WNT5B: variants seen among roughly 807,000 people sequenced by gnomAD.
WNT5B encodes the protein Wnt family member 5B, also known as protein Wnt-5b.
WNT5B carries 18 observed loss-of-function variants against 36.5 expected under a neutral mutation model. The observed-to-expected ratio is 0.49, with a 90% CI of 0.34 to 0.73. The LOEUF (loss-of-function observed/expected upper bound fraction) is 0.73, where lower values mean the gene tolerates loss of function less well. Among genes scored for constraint, WNT5B ranks in the 30% least tolerant of loss-of-function variants. WNT5B has a pLI of 0.01. For synonymous variants in WNT5B, 213 were observed against 212.3 expected (o/e 1.00, Z -0.03); for missense variants, 424 against 508.4 (o/e 0.83, Z 1.60).
At position 1,646,083 on chromosome 12, in the gene WNT5B, G is replaced by A; in HGVS notation, c.911G>A (p.Cys304Tyr). The change falls in exon 5 of 5, where the codon TGC becomes TAC. Residue 304 changes from cysteine (C) to tyrosine (Y), a missense_variant. Physicochemically the swap from Cys to Tyr is radical, Grantham distance 194. Transcript: ENST00000397196. Reference sequence around the variant, plus strand: ...TCCCTGGGCACGCAGGGCCGCCTCTGCAACAAGACCTCGGAGGGCATGGAT... The same window carrying A: ...TCCCTGGGCACGCAGGGCCGCCTCTACAACAAGACCTCGGAGGGCATGGAT... ...TGSLGTQGRL[C>Y]NKTSEGMDGC... is the part of the protein sequence containing the mutation. 1.2e-6 allele frequency: 2 copies of A among 1,613,928 alleles called. No individual in the cohort carries two copies. The highest frequency in any genetic ancestry group is 1.7e-6 in the Non-Finnish European group (2 of 1,180,044).
In WNT5B at chr12:1,630,157, G is replaced by A; in HGVS notation, c.-58+786G>A. ...CCCGAAGCACCCGCCGCCCCCTCCC[G>A]GGGAGCCTGGGGACGCCGACGCGCG... On this transcript the variant is annotated intron_variant, in intron 1 of 4. Coordinates refer to ENST00000397196, the MANE Select transcript of WNT5B (RefSeq NM_032642.3). The surrounding 1 kb of genome is among the most constrained non-coding windows in gnomAD (Gnocchi z 5.3). The A allele has an allele frequency of 1.0e-6, 1 of 985,440 alleles. No homozygotes were observed. Among genetic ancestry groups the A allele is most frequent in the Non-Finnish European group, 1.2e-6 (1 of 829,988 alleles). 61.0% of individuals were successfully genotyped at this position (985,440 alleles called of 1,614,324 possible).
chr12:1,645,518 C>A (rs965975171), intron 4 of WNT5B, among the ~76,000 whole-genome samples: 3 of 152,204 alleles, frequency 2.0e-5, no homozygotes, highest in Non-Finnish European at 4.4e-5. Flanking sequence ...GAATGAGAAA[C>A]CAGTAGAGTA....
upstream of WNT5B, among the ~76,000 whole-genome samples, chr12:1,625,299 T>C (rs1385049592): frequency 2.0e-5 from 3 of 152,196 alleles, no homozygotes; most frequent in Non-Finnish European, 2.9e-5. Flanking sequence ...AGAACTACTC[T>C]GGTGTTCAGA....
chr12:1,640,737 A>C (rs1318502465), intron 4 of WNT5B, among the ~76,000 whole-genome samples: 3 of 151,582 alleles, frequency 2.0e-5, no homozygotes, highest in Admixed American at 6.6e-5. Flanking sequence ...GTTCCTGAAA[A>C]CCCCCCCTCT....
At position 1,639,773 on chromosome 12, in the gene WNT5B, A is replaced by G; in HGVS notation, c.418A>G (p.Thr140Ala). The change falls in exon 4 of 5, where the codon ACC becomes GCC. Residue 140 changes from threonine (T) to alanine (A), a missense_variant. By Grantham distance (58) the Thr-to-Ala change is moderately conservative. Transcript: ENST00000397196. ...SRACREGELS[T>A]CGCSRTARPK... ...GGCCTGCCGCGAGGGCGAGCTCTCC[A>G]CCTGCGGCTGCAGCCGGACGGCGCG... 6.2e-7 allele frequency: 1 copy of G among 1,609,894 alleles called. No homozygotes were observed. The highest frequency in any genetic ancestry group is 8.5e-7 in the Non-Finnish European group (1 of 1,178,140).
upstream of WNT5B, among the ~76,000 whole-genome samples, chr12:1,626,841 AG>A (rs1201221980): frequency 6.6e-6 from 1 of 152,008 alleles, no homozygotes; most frequent in Non-Finnish European, 1.5e-5. Flanking sequence ...CTGGGGTTAC[AG>A]TTGTGAGCCA....
chr12:1,636,921 G>A (rs1456927582), intron 3 of WNT5B, among the ~76,000 whole-genome samples: 3 of 151,886 alleles, frequency 2.0e-5, no homozygotes, highest in Non-Finnish European at 2.9e-5. Flanking sequence ...TTGGCCAAGC[G>A]GGTCTCGAAC....
chr12:1,625,164 C>T (rs908874832), upstream of WNT5B, among the ~76,000 whole-genome samples: 5 of 151,828 alleles, frequency 3.3e-5, no homozygotes, highest in South Asian at 6.2e-4. Flanking sequence ...TAAGATGAGG[C>T]CACATTGGAA....
rs1426939132 is a variant in WNT5B at position 1,645,818 on chromosome 12, G to T, written c.646G>T (p.Ala216Ser). ...RRAVYKMADV[A>S]CKCHGVSGSC... ...GGCTGTGTATAAGATGGCAGACGTA[G>T]CCTGCAAATGCCACGGCGTCTCGGG... The change falls in exon 5 of 5, where the codon GCC becomes TCC. Residue 216 changes from alanine (A) to serine (S), a missense_variant. Physicochemically the swap from Ala to Ser is moderately conservative, Grantham distance 99. Coordinates refer to ENST00000397196, the MANE Select transcript of WNT5B (RefSeq NM_032642.3). 3 of 1,595,250 alleles carry T rather than the reference G, an allele frequency of 1.9e-6. No individual in the cohort carries two copies. The African/African-American group carries it at 4.0e-5, about 21-fold the overall frequency.
In WNT5B at chr12:1,645,889, C is replaced by T. The variant is rs777710364; in HGVS notation, c.717C>T (p.Arg239=). 1.2e-6 allele frequency: 2 copies of T among 1,611,488 alleles called. No homozygotes were observed. Among genetic ancestry groups the T allele is most frequent in the Non-Finnish European group, 8.5e-7 (1 of 1,179,578 alleles). ...KTCWLQLAEF[R]KVGDRLKEKY... is the part of the protein sequence containing the mutation. ...GCTGGCTGCAGCTGGCCGAGTTCCG[C>T]AAGGTCGGGGACCGGCTGAAGGAGA... Residue 239 remains arginine (R), a synonymous_variant, in exon 5 of 5, where the codon CGC becomes CGT. Coordinates refer to ENST00000397196, the MANE Select transcript of WNT5B (RefSeq NM_032642.3).
chr12:1,636,544 T>C (rs1172354956), intron 3 of WNT5B, among the ~76,000 whole-genome samples: 2 of 19,404 alleles, frequency 1.0e-4, no homozygotes. Context: ...TATATATACT[T>C]TTTTTTTTTT....
upstream of WNT5B, among the ~76,000 whole-genome samples, chr12:1,628,276 C>T (rs1056224336): frequency 1.3e-5 from 2 of 152,104 alleles, no homozygotes; most frequent in African/African-American, 4.8e-5. Flanking sequence ...CTGCCTCAGC[C>T]TCCCAAGTAG....
chr12:1,645,997 G>A lies in WNT5B; in HGVS notation c.825G>A (p.Pro275=), dbSNP rs774864097. The A allele has an allele frequency of 9.9e-6, 16 of 1,611,770 alleles. No individual in the cohort carries two copies. Among genetic ancestry groups the A allele is most frequent in the Admixed American group, 3.3e-5 (2 of 59,992 alleles). ...LVNSRFTQPT[P]EDLVYVDPSP... is the part of the protein sequence containing the mutation. Reference sequence around the variant, plus strand: ...ACAGCCGCTTCACCCAGCCCACCCCGGAGGACCTGGTCTATGTGGACCCCA... The same window carrying A: ...ACAGCCGCTTCACCCAGCCCACCCCAGAGGACCTGGTCTATGTGGACCCCA... The change falls in exon 5 of 5, where the codon CCG becomes CCA. Residue 275 remains proline, a synonymous_variant. Coordinates refer to ENST00000397196, the MANE Select transcript of WNT5B (RefSeq NM_032642.3).
chr12:1,619,208 G>A (rs998638623), intron 1 of WNT5B, among the ~76,000 whole-genome samples: 1 of 147,274 alleles, frequency 6.8e-6, no homozygotes, highest in African/African-American at 2.5e-5. Flanking sequence ...TTTGGGAGAT[G>A]AGGCTTCCCA....
upstream of WNT5B, among the ~76,000 whole-genome samples, chr12:1,624,321 G>A (rs1470522407): frequency 6.7e-6 from 1 of 148,970 alleles, no homozygotes; most frequent in African/African-American, 2.5e-5. Context: ...GGAGGCGGAG[G>A]TTGCAGTGAG....
intron 1 of WNT5B, among the ~76,000 whole-genome samples, chr12:1,623,138 T>C (rs1341940247): frequency 6.7e-6 from 1 of 150,172 alleles, no homozygotes; most frequent in Non-Finnish European, 1.5e-5. Flanking sequence ...GGGTGAGGAG[T>C]TATGACTCAT....
chr12:1,639,718 C>G lies in WNT5B; in HGVS notation c.363C>G (p.Ser121Arg). Residue 121 changes from serine to arginine, a missense_variant, in exon 4 of 5, where the codon AGC (serine) becomes AGG (arginine). Physicochemically the swap from Ser to Arg is moderately radical, Grantham distance 110. Transcript: ENST00000397196. ...SRETAFTHAV[S>R]AAGVVNAISR... The stretch of plus-strand genomic sequence containing the variant: ...AGACCGCCTTCACCCACGCGGTGAG[C>G]GCCGCGGGCGTGGTCAACGCCATCA... The G allele has an allele frequency of 6.3e-7, 1 of 1,586,766 alleles. No homozygotes were observed. The highest frequency in any genetic ancestry group is 8.6e-7 in the Non-Finnish European group (1 of 1,169,288).
At chr12:1,639,455 G>A (rs1246727890) in intron 3 of WNT5B, among the ~76,000 whole-genome samples, 4 of 151,974 alleles carry the variant, frequency 2.6e-5, no homozygotes, top group African/African-American at 4.8e-5. Context: ...GTTTTCTTCC[G>A]GGTGGTTTCG....
chr12:1,634,657 G>A (rs916653347), intron 3 of WNT5B, among the ~76,000 whole-genome samples: 1 of 152,242 alleles, frequency 6.6e-6, no homozygotes, highest in African/African-American at 2.4e-5. Context: ...TGCTACCTAG[G>A]AGGCTGTCCT....
Sources: allele counts gnomAD v4.1 joint callset (sites outside exome capture counted in the v4.1 genomes callset), GRCh38; gene constraint gnomAD v4.1.1; non-coding constraint Gnocchi (gnomAD v3.1); transcripts MANE v1.5; gene names NCBI Gene and HGNC (gene_info 2026-07-23, HGNC 2026-07-21).